HOXA3: variants seen among roughly 807,000 people sequenced by gnomAD.
HOXA3 encodes homeobox protein Hox-A3.
In HOXA3, 8 loss-of-function variants were observed where a neutral mutation model predicts 30.3. That is an observed-to-expected ratio of 0.26 (90% CI 0.15 to 0.48). The LOEUF is 0.48. HOXA3 is among the 20% of genes least tolerant of loss of function. The pLI is 0.99. For missense variants in HOXA3, 653 were observed against 614.4 expected (o/e 1.06, Z -0.66); for synonymous variants, 323 against 273.1 (o/e 1.18, Z -1.80).
chr7:27,139,798 C>G (rs1159966428), intron 2 of HOXA3, among the ~76,000 whole-genome samples: 2 of 152,208 alleles, frequency 1.3e-5, no homozygotes, highest in East Asian at 1.9e-4. Context: ...CAAAAATCAT[C>G]TTTTTGCACG....
At chr7:27,150,004 G>A (rs1223623790) in intron 1 of HOXA3, 1 of 152,088 alleles carries the variant, frequency 6.6e-6, no homozygotes, top group East Asian at 1.9e-4. Flanking sequence ...TCTAATTATT[G>A]TTCCAGCTAA....
chr7:27,116,240 CA>C (rs1413620224), intron 4 of HOXA3: 2 of 152,692 alleles, frequency 1.3e-5, no homozygotes, highest in Non-Finnish European at 2.9e-5. Flanking sequence ...ATACTTGGAG[CA>C]GCAAAGGTGC....
At chr7:27,123,004 G>A (rs938255520) in intron 3 of HOXA3, 1 of 152,250 alleles carries the variant, frequency 6.6e-6, no homozygotes, top group Admixed American at 6.5e-5. Context: ...GCTGCTTTCA[G>A]AGAGCTCTCT....
At chr7:27,143,136 C>T (rs1583407519) in intron 1 of HOXA3, 1 of 1,608,066 alleles carries the variant, frequency 6.2e-7, no homozygotes, top group Non-Finnish European at 8.5e-7. Context: ...CTCGCCTGCT[C>T]GCTGCTGGCA....
intron 2 of HOXA3, among the ~76,000 whole-genome samples, chr7:27,138,662 TG>T (rs1303261978): frequency 6.6e-6 from 1 of 152,032 alleles, no homozygotes; most frequent in Non-Finnish European, 1.5e-5. Context: ...TTGAAGAATA[TG>T]GGGGGTTGGG....
At chr7:27,114,818 T>TATATATATAATATATATTATATATATA in intron 4 of HOXA3, among the ~76,000 whole-genome samples, 1 of 29,300 alleles carries the variant, frequency 3.4e-5, no homozygotes, top group African/African-American at 7.6e-5. Flanking sequence ...AAAACATACA[T>TATATATATAATATATATTATATATATA]ATATATATAA....
intron 2 of HOXA3, chr7:27,129,561 A>G: frequency 6.2e-7 from 1 of 1,612,834 alleles, no homozygotes; most frequent in Non-Finnish European, 8.5e-7. Context: ...CTCCGTTATA[A>G]CTGGGGTTAA....
intron 1 of HOXA3, chr7:27,151,495 C>G (rs1166439256): frequency 2.3e-6 from 1 of 425,982 alleles, no homozygotes; most frequent in Non-Finnish European, 4.8e-6. Flanking sequence ...CTGCCACGCG[C>G]GCTAACAGCA....
At chr7:27,139,905 C>A (rs1422407367) in intron 2 of HOXA3, among the ~76,000 whole-genome samples, 178 bp downstream of exon 2, 1 of 152,160 alleles carries the variant, frequency 6.6e-6, no homozygotes, top group East Asian at 1.9e-4. Flanking sequence ...GCTCACTCTG[C>A]TGCCTCCGCA....
At chr7:27,112,821 C>A (rs979408305) in intron 4 of HOXA3, among the ~76,000 whole-genome samples, 2 of 152,222 alleles carry the variant, frequency 1.3e-5, no homozygotes, top group Non-Finnish European at 2.9e-5. Context: ...TTTCTAGTGA[C>A]TTGCTAATCC....
At position 27,152,469 on chromosome 7, in the gene HOXA3, A is replaced by T. The variant is rs117819065; in HGVS notation, c.-675T>A. The T allele has an allele frequency of 7.9e-4, 907 of 1,141,036 alleles. 12 individuals are homozygous for T. The African/African-American group carries it at 0.014, about 17-fold the overall frequency. 70.7% of individuals were successfully genotyped at this position (1,141,036 alleles called of 1,614,324 possible). A position where few individuals can be genotyped will look rare whatever the true frequency, so the allele number is the denominator to read the frequency against. Reference sequence around the variant, plus strand: ...CGCCCAATCTCCAGCGGGAGCCGCCAGGCCTGGCCTGGCCGGGGCTTCCCT... The same window carrying T: ...CGCCCAATCTCCAGCGGGAGCCGCCTGGCCTGGCCTGGCCGGGGCTTCCCT... On this transcript the variant is annotated 5_prime_UTR_variant, in exon 1 of 6. Coordinates refer to ENST00000612286, the MANE Select transcript of HOXA3 (RefSeq NM_153631.3).
chr7:27,144,477 T>C (rs1481892732), intron 1 of HOXA3, among the ~76,000 whole-genome samples: 1 of 152,294 alleles, frequency 6.6e-6, no homozygotes, highest in Non-Finnish European at 1.5e-5. Context: ...ATGGTTTTCG[T>C]GTCATTAGTT....
At chr7:27,137,567 A>G (rs1785753390) in intron 2 of HOXA3, among the ~76,000 whole-genome samples, 1 of 152,212 alleles carries the variant, frequency 6.6e-6, no homozygotes, top group Non-Finnish European at 1.5e-5. Flanking sequence ...CTACAGAATG[A>G]GCAGAAAACC....
chr7:27,108,408 A>T lies in HOXA3; in HGVS notation c.839T>A (p.Met280Lys), dbSNP rs750944445. The T allele has an allele frequency of 6.2e-7, 1 of 1,611,316 alleles. No homozygotes were observed. Among genetic ancestry groups the T allele is most frequent in the Non-Finnish European group, 8.5e-7 (1 of 1,178,482 alleles). Residue 280 changes from methionine to lysine, a missense_variant, in exon 6 of 6, where the codon ATG becomes AAG. Physicochemically the swap from Met to Lys is moderately conservative, Grantham distance 95. Around this residue, in one of 3 missense-constraint regions of HOXA3, gnomAD observed 330 missense variants for 274.4 expected, o/e 1.20. Transcript: ENST00000612286. This position sits in a 1 kb window ranked among gnomAD's most constrained non-coding sequence, Gnocchi z 5.0. ...CGGGACGCTGTTGACCAGCGAATGC[A>T]TAGAGTTCAGATAGCCACCGGCTCC... is the stretch of plus-strand genomic sequence containing the variant. ...PPGAGGYLNS[M>K]HSLVNSVPYE...
intron 4 of HOXA3, among the ~76,000 whole-genome samples, chr7:27,114,645 C>T (rs1386482279): frequency 6.8e-6 from 1 of 147,850 alleles, no homozygotes; most frequent in Non-Finnish European, 1.5e-5. Flanking sequence ...TTTAGAAACG[C>T]GGATCTCCAG....
rs776804350 is a variant in HOXA3 at position 27,143,486 on chromosome 7, T to A, written c.-493-3300A>T. 5.6e-6 allele frequency: 9 copies of A among 1,613,690 alleles called. No homozygotes were observed. In the East Asian group the frequency reaches 1.8e-4, roughly 32 times the overall value. ...GTAGCCGTAGCCGTACCTGCCGGAG[T>A]GCATGCTCGCCGAGTCCCTGAATTG... On this transcript the variant is annotated intron_variant, in intron 1 of 5. Coordinates refer to ENST00000612286, the MANE Select transcript of HOXA3 (RefSeq NM_153631.3).
intron 4 of HOXA3, 88 bp downstream of exon 4, chr7:27,122,471 C>G (rs562130797): frequency 6.6e-6 from 1 of 152,236 alleles, no homozygotes; most frequent in Non-Finnish European, 1.5e-5. Context: ...CAACAGGCCG[C>G]GGTTGCCAGG....
At chr7:27,142,609 T>C (rs943740658) in intron 1 of HOXA3, 2 of 191,178 alleles carry the variant, frequency 1.0e-5, no homozygotes, top group Admixed American at 5.7e-5. Flanking sequence ...CTCGATTCTT[T>C]CCCCCAAGCC....
At chr7:27,148,616 C>A (rs1479248188) in intron 1 of HOXA3, among the ~76,000 whole-genome samples, 1 of 152,230 alleles carries the variant, frequency 6.6e-6, no homozygotes, top group African/African-American at 2.4e-5. Flanking sequence ...GCTGGGCGTC[C>A]CCATCCCACC....
Sources: allele counts gnomAD v4.1 joint callset (sites outside exome capture counted in the v4.1 genomes callset), GRCh38; gene constraint gnomAD v4.1.1; regional missense constraint gnomAD v4.1.1; non-coding constraint Gnocchi (gnomAD v3.1); transcripts MANE v1.5; gene names NCBI Gene and HGNC (gene_info 2026-07-23, HGNC 2026-07-21).